CSMD1: variants seen among roughly 807,000 people sequenced by gnomAD.
CSMD1 encodes CUB and sushi domain-containing protein 1.
In CSMD1, 213 loss-of-function variants were observed where a neutral mutation model predicts 417.5. That is an observed-to-expected ratio of 0.51 (90% CI 0.46 to 0.57). The LOEUF (loss-of-function observed/expected upper bound fraction) is 0.57. CSMD1 is among the 20% of genes least tolerant of loss of function. The probability of loss-of-function intolerance (pLI) is 0.00; values close to 1 mark genes in which losing one functional copy is unlikely to be tolerated. For missense variants in CSMD1, 6,923 were observed against 4,529.7 expected (o/e 1.53, Z -15.17); for synonymous variants, 2,862 against 1,736.8 (o/e 1.65, Z -16.11).
At chr8:4,285,673 G>A (rs1039373070) in intron 3 of CSMD1, among the ~76,000 whole-genome samples, 4 of 152,182 alleles carry the variant, frequency 2.6e-5, no homozygotes, top group African/African-American at 4.8e-5. Flanking sequence ...AATGGCAGTG[G>A]TGTAGGAAGA....
chr8:4,328,314 G>C (rs1053552393), intron 3 of CSMD1, among the ~76,000 whole-genome samples: 3 of 144,744 alleles, frequency 2.1e-5, no homozygotes, highest in Non-Finnish European at 4.5e-5. Flanking sequence ...CCACGACTCA[G>C]TTAAGTCAAC....
chr8:3,760,845 A>T lies in CSMD1; in HGVS notation c.819-6803T>A, dbSNP rs1365867906. Reference sequence around the variant, plus strand: ...CAGAAAGCATTACTGCTATTGGGAGAGGCTTTAAATGATCTCTGCCCACAG... The same window carrying T: ...CAGAAAGCATTACTGCTATTGGGAGTGGCTTTAAATGATCTCTGCCCACAG... On this transcript the variant is annotated intron_variant, in intron 5 of 69. Transcript: ENST00000635120. Among the ~76,000 whole-genome samples the T allele has an allele frequency of 2.6e-5, 4 of 152,178 alleles. No individual in the cohort carries two copies. The East Asian group carries it at 7.7e-4, about 29-fold the overall frequency.
At chr8:3,478,638 ACAGAAG>A (rs1461825811) in intron 11 of CSMD1, among the ~76,000 whole-genome samples, 5 of 152,140 alleles carry the variant, frequency 3.3e-5, no homozygotes, top group African/African-American at 1.2e-4. Context: ...TGAACAGGCA[ACAGAAG>A]GACCCCAGCA....
At chr8:4,539,908 T>C (rs1481686886) in intron 2 of CSMD1, among the ~76,000 whole-genome samples, 1 of 152,058 alleles carries the variant, frequency 6.6e-6, no homozygotes, top group Non-Finnish European at 1.5e-5. Flanking sequence ...TGTGCGGAAA[T>C]CTCAGGGCTG....
chr8:3,848,727 C>A (rs528731842), intron 5 of CSMD1, among the ~76,000 whole-genome samples: 1 of 152,150 alleles, frequency 6.6e-6, no homozygotes, highest in South Asian at 2.1e-4. Context: ...ATGCAATGGT[C>A]TTTTAGGTGG....
chr8:3,874,894 C>T (rs912006383), intron 5 of CSMD1, among the ~76,000 whole-genome samples: 6 of 152,082 alleles, frequency 3.9e-5, no homozygotes, highest in African/African-American at 7.2e-5. Context: ...TGCGATGCTG[C>T]GCACCAGTGA....
In CSMD1 at chr8:4,151,249, A is replaced by G. The variant is rs1320902593; in HGVS notation, c.416-119150T>C. ...TAAATACGGTGAAGTTTACTTGGAAAGCTAAAATATTCAGACTACTTTAGA... is the reference window on the plus strand; with the variant it reads ...TAAATACGGTGAAGTTTACTTGGAAGGCTAAAATATTCAGACTACTTTAGA... On this transcript the variant is annotated intron_variant, in intron 3 of 69. Coordinates refer to ENST00000635120, the MANE Select transcript of CSMD1 (RefSeq NM_033225.6). 2.6e-5 allele frequency among the ~76,000 whole-genome samples: 4 copies of G among 152,184 alleles called. No homozygotes were observed. The East Asian group carries it at 7.7e-4, about 29-fold the overall frequency.
intron 3 of CSMD1, among the ~76,000 whole-genome samples, chr8:4,246,157 G>A (rs553321636): frequency 9.9e-5 from 15 of 152,170 alleles, no homozygotes; most frequent in South Asian, 4.2e-4. Flanking sequence ...TTATTTTCCT[G>A]ATCCCCTCTT....
chr8:4,566,429 T>G (rs10094595), intron 2 of CSMD1, among the ~76,000 whole-genome samples: 2,154 of 151,338 alleles, frequency 0.014, 55 homozygotes, highest in African/African-American at 0.047. Flanking sequence ...CGAGGTGGGT[T>G]GATCACGAGG....
intron 7 of CSMD1, among the ~76,000 whole-genome samples, chr8:3,707,801 T>C (rs1801257279): frequency 6.6e-6 from 1 of 152,174 alleles, no homozygotes; most frequent in Non-Finnish European, 1.5e-5. Context: ...CAGGGCTTCC[T>C]ATGGCTGAGT....
chr8:3,266,997 C>G (rs1234229524), intron 26 of CSMD1, among the ~76,000 whole-genome samples: 1 of 152,122 alleles, frequency 6.6e-6, no homozygotes, highest in African/African-American at 2.4e-5. Context: ...AGCTGACACT[C>G]ATATGTGAAC....
chr8:4,990,475 T>C (rs1320388839), intron 1 of CSMD1, among the ~76,000 whole-genome samples: 2 of 152,186 alleles, frequency 1.3e-5, no homozygotes, highest in Admixed American at 6.5e-5. Flanking sequence ...GAGATTCTCC[T>C]GCCTCAGCCT....
chr8:4,070,970 A>T (rs957055385), intron 3 of CSMD1, among the ~76,000 whole-genome samples: 8 of 152,174 alleles, frequency 5.3e-5, no homozygotes, highest in African/African-American at 1.9e-4. Context: ...GCAATAATTT[A>T]AATTGTTGTT....
intron 7 of CSMD1, among the ~76,000 whole-genome samples, chr8:3,693,979 T>C (rs1800399700): frequency 1.3e-5 from 2 of 150,664 alleles, no homozygotes; most frequent in East Asian, 3.9e-4. Flanking sequence ...GTTGGGTATG[T>C]GTGTTGTTAG....
At chr8:4,344,234 G>A (rs1332407379) in intron 3 of CSMD1, among the ~76,000 whole-genome samples, 1 of 152,098 alleles carries the variant, frequency 6.6e-6, no homozygotes, top group Non-Finnish European at 1.5e-5. Flanking sequence ...TCCCAAAGGT[G>A]CCTCTGACAC....
intron 7 of CSMD1, among the ~76,000 whole-genome samples, chr8:3,637,395 C>G (rs866123922): frequency 6.6e-6 from 1 of 152,066 alleles, no homozygotes; most frequent in Admixed American, 6.5e-5. Context: ...TGTCTAACCA[C>G]CTTATTAACT....
At chr8:3,021,530 T>G (rs994135843) in intron 51 of CSMD1, among the ~76,000 whole-genome samples, 2 of 152,232 alleles carry the variant, frequency 1.3e-5, no homozygotes, top group African/African-American at 4.8e-5. Flanking sequence ...TTTTTTCATT[T>G]CATTAAAAGT....
intron 23 of CSMD1, among the ~76,000 whole-genome samples, chr8:3,326,183 C>T (rs13268113): frequency 0.05 from 7,542 of 152,232 alleles, 278 homozygotes; most frequent in East Asian, 0.18. Flanking sequence ...GTTCCGTCTT[C>T]GCGATGATAT....
Position 3,321,335 on chromosome 8 carries a change from T to C in CSMD1, c.3632-12832A>G, listed in dbSNP as rs546493981. Among the ~76,000 whole-genome samples the C allele has an allele frequency of 8.5e-4, 130 of 152,282 alleles. No individual in the cohort carries two copies. In the South Asian group the frequency reaches 0.011, roughly 13 times the overall value. The stretch of plus-strand genomic sequence containing the variant: ...CCTCTGCACCAGGGCTCATGATGCT[T>C]TGTGCCGTAGTATTGTCCAGATCCT... On this transcript the variant is annotated intron_variant, in intron 23 of 69. Transcript: ENST00000635120.
Sources: allele counts gnomAD v4.1 joint callset (sites outside exome capture counted in the v4.1 genomes callset), GRCh38; gene constraint gnomAD v4.1.1; transcripts MANE v1.5; gene names NCBI Gene and HGNC (gene_info 2026-07-23, HGNC 2026-07-21).